MARK2: variants seen among roughly 807,000 people sequenced by gnomAD.
The protein encoded by MARK2 is serine/threonine-protein kinase MARK2.
In MARK2, 16 loss-of-function variants were observed where a neutral mutation model predicts 89.8. The observed-to-expected ratio is 0.18, with a 90% CI of 0.12 to 0.27. MARK2 has a LOEUF of 0.27. MARK2 is among the 10% of genes least tolerant of loss of function. MARK2 has a pLI of 1.00. For missense variants in MARK2, 621 were observed against 1,049.9 expected, an observed-to-expected ratio of 0.59 and a Z score of 5.65; for synonymous variants, 382 against 399.5, an observed-to-expected ratio of 0.96 and a Z score of 0.52.
chr11:63,860,975 T>C (rs987416486), intron 1 of MARK2, among the ~76,000 whole-genome samples: 1 of 152,198 alleles, frequency 6.6e-6, no homozygotes, highest in Non-Finnish European at 1.5e-5. Context: ...CGTGTCTACA[T>C]AGAGGATCAT....
chr11:63,873,001 C>T (rs991678839), intron 1 of MARK2, among the ~76,000 whole-genome samples: 2 of 149,552 alleles, frequency 1.3e-5, no homozygotes, highest in East Asian at 2.0e-4. Context: ...GAGGAGATTC[C>T]GGGGCGCATG....
rs544474006 is a variant in MARK2 at position 63,858,843 on chromosome 11, A to G, written c.54+19283A>G. On this transcript the variant is annotated intron_variant, in intron 1 of 18. Transcript: ENST00000402010. ...ACCTCATAATGAGCCTCTGTTTTGCAATTTCTGGGGCCCTGGCTGGGCCTC... is the reference window on the plus strand; with the variant it reads ...ACCTCATAATGAGCCTCTGTTTTGCGATTTCTGGGGCCCTGGCTGGGCCTC... Among the ~76,000 whole-genome samples, 6 of 152,200 alleles carry G rather than the reference A, an allele frequency of 3.9e-5. No homozygotes were observed. In the East Asian group the frequency reaches 1.2e-3, roughly 29 times the overall value.
At chr11:63,906,967 C>T (rs1941390876) in intron 17 of MARK2, among the ~76,000 whole-genome samples, 4 of 152,134 alleles carry the variant, frequency 2.6e-5, no homozygotes, top group Admixed American at 2.0e-4. Context: ...TACCCCAAGC[C>T]GTAGCAAAAC....
intron 3 of MARK2, 139 bp downstream of exon 3, chr11:63,895,772 C>T (rs1186553636): frequency 1.0e-5 from 8 of 763,110 alleles, no homozygotes; most frequent in South Asian, 4.7e-5. Context: ...TGGTTTCAAG[C>T]GATTCTCCCG....
At chr11:63,896,010 C>G (rs1254148331) in intron 3 of MARK2, among the ~76,000 whole-genome samples, 1 of 152,134 alleles carries the variant, frequency 6.6e-6, no homozygotes, top group Non-Finnish European at 1.5e-5. Context: ...GGTCAATGAT[C>G]TACTGACCCC....
intron 1 of MARK2, among the ~76,000 whole-genome samples, chr11:63,894,130 C>G (rs1213011591): frequency 6.6e-6 from 1 of 152,202 alleles, no homozygotes; most frequent in East Asian, 1.9e-4. Flanking sequence ...TCGTTCAGTT[C>G]TTTCATTGTA....
chr11:63,872,101 G>A (rs956866784), intron 1 of MARK2, among the ~76,000 whole-genome samples: 1 of 152,196 alleles, frequency 6.6e-6, no homozygotes, highest in Non-Finnish European at 1.5e-5. Flanking sequence ...GCTGATGGTA[G>A]CAGTTGGTGA....
rs373436325 is a variant in MARK2 at position 63,903,986 on chromosome 11, C to T, written c.1515C>T (p.Ser505=). The T allele has an allele frequency of 1.6e-5, 25 of 1,604,076 alleles. No homozygotes were observed. The highest frequency in any genetic ancestry group is 2.1e-5 in the Non-Finnish European group (25 of 1,175,164). Residue 505 remains serine (S), a splice_region_variant and synonymous_variant, in exon 15 of 19, where the codon AGC becomes AGT. Coordinates refer to ENST00000402010, the MANE Select transcript of MARK2 (RefSeq NM_001039469.3). The surrounding 1 kb of genome is among the most constrained non-coding windows in gnomAD (Gnocchi z 5.1). ...GQASIQNGKD[S]LTMPGSRAST... ...CCTCTCCGCTGCTTTTGTTTCCTAG[C>T]CTAACCATGCCAGGGTCCCGGGCCT...
chr11:63,907,839 C>T (rs1383941400), intron 17 of MARK2, among the ~76,000 whole-genome samples: 2 of 152,240 alleles, frequency 1.3e-5, no homozygotes, highest in African/African-American at 4.8e-5. Flanking sequence ...AGTCCTGAGA[C>T]CCTAGCGTGT....
chr11:63,841,189 A>T (rs2015997828), intron 1 of MARK2, among the ~76,000 whole-genome samples: 1 of 152,036 alleles, frequency 6.6e-6, no homozygotes, highest in South Asian at 2.1e-4. Flanking sequence ...ATTCTCTTGC[A>T]TGTGAACATT....
intron 1 of MARK2, chr11:63,888,998 T>A (rs374245530): frequency 7.5e-7 from 1 of 1,329,668 alleles, no homozygotes; most frequent in Non-Finnish European, 1.0e-6. Context: ...TAGGATTGCC[T>A]CCTCCTCTTT....
Position 63,902,300 on chromosome 11 carries a change from A to C in MARK2, c.1204A>C (p.Asn402His). Reference protein sequence around the residue: ...SHKVQRSVSANPKQRRFSDQA... With the variant: ...SHKVQRSVSAHPKQRRFSDQA... Reference sequence around the variant, plus strand: ...CAAGGTACAGCGCAGCGTGTCGGCCAATCCCAAGCAGCGGCGCTTCAGCGA... The same window carrying C: ...CAAGGTACAGCGCAGCGTGTCGGCCCATCCCAAGCAGCGGCGCTTCAGCGA... The change falls in exon 12 of 19, where the codon AAT becomes CAT. Residue 402 changes from asparagine (N) to histidine (H), a missense_variant. Physicochemically the swap from Asn to His is moderately conservative, Grantham distance 68. This residue lies in a region of MARK2 where 397 missense variants were observed against 567.8 expected (regional missense o/e 0.70). Transcript: ENST00000402010. The surrounding 1 kb of genome is among the most constrained non-coding windows in gnomAD (Gnocchi z 4.2). 1 of 1,614,104 alleles carries C rather than the reference A, an allele frequency of 6.2e-7. No individual in the cohort carries two copies. The highest frequency in any genetic ancestry group is 8.5e-7 in the Non-Finnish European group (1 of 1,179,996).
At chr11:63,908,216 CGA>C (rs1565152024) in intron 17 of MARK2, 42 bp from the exon 18 acceptor site, 1 of 1,530,684 alleles carries the variant, frequency 6.5e-7, no homozygotes, top group African/African-American at 1.4e-5. Context: ...GCGGAAGGAG[CGA>C]GAGATCCCAG....
At chr11:63,889,186 G>A (rs990974320) in intron 1 of MARK2, among the ~76,000 whole-genome samples, 5 of 152,132 alleles carry the variant, frequency 3.3e-5, no homozygotes, top group African/African-American at 1.2e-4. Flanking sequence ...CTTGACAAGT[G>A]GGCGAGGAGG....
At chr11:63,842,602 A>G (rs1048757984) in intron 1 of MARK2, among the ~76,000 whole-genome samples, 4 of 152,158 alleles carry the variant, frequency 2.6e-5, no homozygotes, top group African/African-American at 9.7e-5. Flanking sequence ...AGAATAGATC[A>G]TGCCACCAAG....
At chr11:63,882,658 T>G (rs1320954021) in intron 1 of MARK2, 1 of 151,972 alleles carries the variant, frequency 6.6e-6, no homozygotes, top group Non-Finnish European at 1.5e-5. Context: ...CTCTTTATTG[T>G]TCCATTTTTT....
chr11:63,876,975 C>T (rs1938797369), intron 1 of MARK2, among the ~76,000 whole-genome samples: 1 of 152,098 alleles, frequency 6.6e-6, no homozygotes, highest in South Asian at 2.1e-4. Context: ...AAGCTCAAAG[C>T]CCAGGTCTTC....
intron 1 of MARK2, among the ~76,000 whole-genome samples, chr11:63,893,595 G>A (rs900331640): frequency 1.3e-5 from 2 of 151,940 alleles, no homozygotes; most frequent in African/African-American, 4.8e-5. Flanking sequence ...CATATAGTCT[G>A]TGTTTAGCAC....
intron 1 of MARK2, among the ~76,000 whole-genome samples, chr11:63,862,687 C>T (rs996198107): frequency 2.0e-5 from 3 of 152,136 alleles, no homozygotes; most frequent in African/African-American, 4.8e-5. Flanking sequence ...TCCCATCTTC[C>T]GGAATTTCAA....
Sources: gnomAD v4.1 joint callset for allele counts (sites outside exome capture counted in the v4.1 genomes callset) on GRCh38, gnomAD v4.1.1 for gene constraint, gnomAD v4.1.1 regional missense constraint, Gnocchi (gnomAD v3.1) non-coding constraint, MANE v1.5 for transcripts, NCBI Gene and HGNC (gene_info 2026-07-23, HGNC 2026-07-21) for gene names.